The following NLRP11 variants were observed in gnomAD, a reference collection of about 807,000 sequenced individuals.
NLRP11 encodes NACHT, LRR and PYD domains-containing protein 11.
NLRP11 carries 53 observed loss-of-function variants against 79.3 expected under a neutral mutation model. The ratio of observed to expected loss-of-function variants is 0.67; its 90% confidence interval spans 0.54 to 0.84. The LOEUF (loss-of-function observed/expected upper bound fraction) is 0.84. NLRP11 is among the 40% of genes least tolerant of loss of function. The pLI is 0.00. For synonymous variants in NLRP11, 518 were observed against 462.6 expected (o/e 1.12, Z -1.54); for missense variants, 1,264 against 1,255.0 (o/e 1.01, Z -0.11).
rs756470699 is a variant in NLRP11 at position 55,785,614 on chromosome 19, G to A, written c.*11C>T. 4.4e-5 allele frequency: 71 copies of A among 1,606,140 alleles called. 1 individual carries two copies. Among genetic ancestry groups the A allele is most frequent in the African/African-American group, 1.5e-4 (11 of 74,244 alleles). ...GTAATTTATAATAAATACTGTTTAC[G>A]TACAACATGATCAAAGGGGTTGCCT... On this transcript the variant is annotated 3_prime_UTR_variant, in exon 10 of 10. Coordinates refer to ENST00000589093, the Ensembl canonical transcript of NLRP11.
At chr19:55,833,949 G>GA (rs201764872), upstream of NLRP11, among the ~76,000 whole-genome samples, 4,300 of 137,234 alleles carry the variant, frequency 0.031, 228 homozygotes, top group East Asian at 0.23. Context: ...GTATTTAAAT[G>GA]AAAAAAAAAA....
chr19:55,821,916 G>A (rs1433124702), intron 1 of NLRP11, among the ~76,000 whole-genome samples: 1 of 152,202 alleles, frequency 6.6e-6, no homozygotes, highest in Non-Finnish European at 1.5e-5. Context: ...TTGACACTTA[G>A]CATATTTGCC....
chr19:55,810,802 T>C (rs1317123631), intron 2 of NLRP11, among the ~76,000 whole-genome samples: 4 of 152,198 alleles, frequency 2.6e-5, no homozygotes, highest in Non-Finnish European at 5.9e-5. Context: ...CCGGCCCATA[T>C]TGCTTTAAAG....
At chr19:55,789,767 T>C (rs1990125692) in intron 7 of NLRP11, among the ~76,000 whole-genome samples, 1 of 152,236 alleles carries the variant, frequency 6.6e-6, no homozygotes. Context: ...CATTCACGTT[T>C]CTGCCTTTCA....
chr19:55,811,970 TACACAC>T lies in NLRP11; in HGVS notation c.272-1638_272-1633del, dbSNP rs3973377. Among the ~76,000 whole-genome samples the T allele has an allele frequency of 1.6e-3, 246 of 149,204 alleles. 4 individuals are homozygous for T. In the South Asian group the frequency reaches 0.023, roughly 14 times the overall value. On this transcript the variant is annotated intron_variant, in intron 2 of 9. Transcript: ENST00000589093. ...CAGAAGCTGTCCAGTTTCACACATG[TACACAC>T]ACACACACACACACACACACACGTA...
intron 5 of NLRP11, among the ~76,000 whole-genome samples, chr19:55,799,980 A>G (rs574109530): frequency 1.3e-5 from 2 of 152,252 alleles, no homozygotes; most frequent in Admixed American, 1.3e-4. Context: ...AACAAAAATG[A>G]AAACAAAAAC....
chr19:55,811,312 C>A (rs1407712231), intron 2 of NLRP11, among the ~76,000 whole-genome samples: 1 of 152,126 alleles, frequency 6.6e-6, no homozygotes, highest in Non-Finnish European at 1.5e-5. Flanking sequence ...AGGTATGATA[C>A]AGAAATGATC....
chr19:55,810,121 TA>T lies in NLRP11; in HGVS notation c.488del (p.Ile163LysfsTer6). 1 of 1,614,204 alleles carries T rather than the reference TA, an allele frequency of 6.2e-7. No homozygotes were observed. The highest frequency in any genetic ancestry group is 8.5e-7 in the Non-Finnish European group (1 of 1,180,026). ...TGATCCACCTCAACACAGCCAGATT[TA>T]TAACAATAGTTTTTCCAGATGCTCT... On this transcript the variant is annotated frameshift_variant, in exon 3 of 10. Coordinates refer to ENST00000589093, the Ensembl canonical transcript of NLRP11. LOFTEE classifies it high-confidence loss of function.
chr19:55,832,756 A>G (rs913157885), upstream of NLRP11: 1 of 152,210 alleles, frequency 6.6e-6, no homozygotes, highest in Non-Finnish European at 1.5e-5. Flanking sequence ...TCCTTCACCC[A>G]GTAAAGGGTT....
intron 6 of NLRP11, among the ~76,000 whole-genome samples, chr19:55,793,047 A>G (rs534074780): frequency 1.8e-4 from 28 of 152,234 alleles, no homozygotes; most frequent in African/African-American, 6.0e-4. Flanking sequence ...TTATTTTTAA[A>G]TAATTTTTAA....
At chr19:55,812,014 T>C (rs1405427717) in intron 2 of NLRP11, among the ~76,000 whole-genome samples, 2 of 150,348 alleles carry the variant, frequency 1.3e-5, no homozygotes, top group African/African-American at 4.9e-5. Context: ...AGAATAAATA[T>C]GTGAGATAAT....
At chr19:55,832,259 CAATT>C (rs1461717174), upstream of NLRP11, among the ~76,000 whole-genome samples, 1 of 152,206 alleles carries the variant, frequency 6.6e-6, no homozygotes, top group Non-Finnish European at 1.5e-5. Flanking sequence ...ACCTCCAAAA[CAATT>C]GACTTAGGCA....
At chr19:55,818,170 G>A in exon 2 of NLRP11, 1 of 1,610,364 alleles carries the variant, frequency 6.2e-7, no homozygotes, top group African/African-American at 1.3e-5. Flanking sequence ...ATCCGATTCT[G>A]CCATCTTGCT....
At chr19:55,814,861 A>G (rs56058870) in intron 2 of NLRP11, among the ~76,000 whole-genome samples, 18,190 of 152,150 alleles carry the variant, frequency 0.12, 1,848 homozygotes, top group African/African-American at 0.27. Context: ...CAGGACAGCC[A>G]CCAGCCCAGG....
intron 5 of NLRP11, among the ~76,000 whole-genome samples, chr19:55,797,579 T>C (rs1488200506): frequency 6.6e-6 from 1 of 152,204 alleles, no homozygotes; most frequent in Admixed American, 6.5e-5. Context: ...CAGTTCTTTA[T>C]AGAAAGTAAA....
At chr19:55,811,172 A>G (rs1028889441) in intron 2 of NLRP11, among the ~76,000 whole-genome samples, 15 of 152,190 alleles carry the variant, frequency 9.9e-5, no homozygotes, top group African/African-American at 3.4e-4. Context: ...TACTTAAGAT[A>G]AATGAAATTG....
upstream of NLRP11, among the ~76,000 whole-genome samples, chr19:55,833,305 C>A (rs1323569261): frequency 6.6e-6 from 1 of 151,882 alleles, no homozygotes; most frequent in Non-Finnish European, 1.5e-5. Flanking sequence ...AATAAAATCC[C>A]AATAGAAATT....
intron 7 of NLRP11, among the ~76,000 whole-genome samples, chr19:55,791,344 AG>A (rs1226822014): frequency 6.6e-6 from 1 of 152,238 alleles, no homozygotes; most frequent in African/African-American, 2.4e-5. Flanking sequence ...GCCTTGTCAA[AG>A]GAAGCAAGAT....
chr19:55,827,373 A>C (rs1294788472), intron 1 of NLRP11, among the ~76,000 whole-genome samples: 3 of 150,276 alleles, frequency 2.0e-5, no homozygotes, highest in Non-Finnish European at 2.9e-5. Context: ...TTCATGTCTA[A>C]AACACCAAAA....
Sources: gnomAD v4.1 joint callset for allele counts (sites outside exome capture counted in the v4.1 genomes callset) on GRCh38, gnomAD v4.1.1 for gene constraint, MANE v1.5 for transcripts, NCBI Gene and HGNC (gene_info 2026-07-23, HGNC 2026-07-21) for gene names.